Variants in CUX1 observed in about 807,000 individuals in gnomAD.
CUX1 encodes the protein cut like homeobox 1, also known as protein CASP.
In CUX1, 31 loss-of-function variants were observed where a neutral mutation model predicts 158.8. That is an observed-to-expected ratio of 0.20 (90% CI 0.15 to 0.26). CUX1 has a LOEUF of 0.26. CUX1 is among the 10% of genes least tolerant of loss of function. The probability of loss-of-function intolerance (pLI) is 1.00; values close to 1 mark genes in which losing one functional copy is unlikely to be tolerated. For synonymous variants in CUX1, 879 were observed against 862.1 expected (o/e 1.02, Z -0.34); for missense variants, 1,589 against 2,014.6 (o/e 0.79, Z 4.04).
chr7:102,017,271 A>C, intron 2 of CUX1, among the ~76,000 whole-genome samples: 2 of 144,140 alleles, frequency 1.4e-5, no homozygotes, highest in African/African-American at 2.6e-5. Context: ...GGCCTGGGGG[A>C]CACAGAGAGA....
chr7:102,151,001 A>C (rs572481688), intron 8 of CUX1, among the ~76,000 whole-genome samples: 42 of 152,230 alleles, frequency 2.8e-4, no homozygotes, highest in Non-Finnish European at 5.6e-4. Context: ...ATGATTTTAG[A>C]CCAATGTCAG....
chr7:102,256,838 C>T lies in CUX1; in HGVS notation c.*7796C>T, dbSNP rs1287777704. 9.1e-6 allele frequency: 9 copies of T among 985,312 alleles called. No homozygotes were observed. Among genetic ancestry groups the T allele is most frequent in the African/African-American group, 5.2e-5 (3 of 57,208 alleles). The allele number at this position is 985,312 out of a possible 1,614,324, so 61.0% of individuals were successfully genotyped here. The stretch of plus-strand genomic sequence containing the variant: ...CGAGAGAGTGATTTCTTGCAAGGCC[C>T]GCATGGGTTGATACGTTTTGGTTGG... On this transcript the variant is annotated 3_prime_UTR_variant, in exon 24 of 24. Coordinates refer to ENST00000292535, the MANE Select transcript of CUX1 (RefSeq NM_181552.4).
chr7:101,848,194 G>A (rs570915619), intron 1 of CUX1, among the ~76,000 whole-genome samples: 11 of 151,870 alleles, frequency 7.2e-5, no homozygotes, highest in Non-Finnish European at 1.6e-4. Flanking sequence ...GTGTATTGAC[G>A]TTGTTTACAT....
chr7:101,998,556 T>C (rs1288005523), intron 2 of CUX1, among the ~76,000 whole-genome samples: 1 of 152,144 alleles, frequency 6.6e-6, no homozygotes, highest in Non-Finnish European at 1.5e-5. Flanking sequence ...CACGACCTGT[T>C]TGGGGGAGAA....
intron 14 of CUX1, among the ~76,000 whole-genome samples, chr7:102,267,678 G>A (rs782621381): frequency 5.3e-5 from 8 of 152,114 alleles, no homozygotes; most frequent in Non-Finnish European, 1.2e-4. Context: ...TGGGCGTGGT[G>A]CAGAGAGGGA....
intron 3 of CUX1, among the ~76,000 whole-genome samples, chr7:102,058,594 T>G (rs1424770288): frequency 6.6e-6 from 1 of 152,198 alleles, no homozygotes; most frequent in Non-Finnish European, 1.5e-5. Context: ...GTTTTTACTT[T>G]CTTATGGTGG....
rs183211048 is a variant in CUX1, at chr7:102,189,762, G to A, written c.1018-51G>A. 1.6e-4 allele frequency: 256 copies of A among 1,598,130 alleles called. 1 individual carries two copies. The East Asian group carries it at 4.9e-3, about 31-fold the overall frequency. ...GCAGTGAATGCCGTCGGTGAAGTCC[G>A]TCGACCTGTTGTCAGGCATGGCCAC... On this transcript the variant is annotated intron_variant, in intron 11 of 23. Coordinates refer to ENST00000292535, the MANE Select transcript of CUX1 (RefSeq NM_181552.4).
rs17134918 is a variant in CUX1, at chr7:101,965,198, T to G, written c.141+48973T>G. On this transcript the variant is annotated intron_variant, in intron 2 of 23. Transcript: ENST00000292535. ...AGTCGTGCCTCTTCCCTAACACCGCTTTGCAGTTTGTGACTATAATCTAAT... is the reference window on the plus strand; with the variant it reads ...AGTCGTGCCTCTTCCCTAACACCGCGTTGCAGTTTGTGACTATAATCTAAT... Among the ~76,000 whole-genome samples, 703 of 152,262 alleles carry G rather than the reference T, an allele frequency of 4.6e-3. 9 individuals carry two copies. Among genetic ancestry groups the G allele is most frequent in the African/African-American group, 0.016 (664 of 41,544 alleles).
At chr7:102,178,993 T>C (rs1554513118) in intron 11 of CUX1, among the ~76,000 whole-genome samples, 1 of 152,218 alleles carries the variant, frequency 6.6e-6, no homozygotes, top group Non-Finnish European at 1.5e-5. Context: ...GCCTCCCATG[T>C]AGCTGGGATC....
intron 23 of CUX1, among the ~76,000 whole-genome samples, chr7:102,242,589 G>GCCCT (rs1800342192): frequency 1.3e-5 from 2 of 152,176 alleles, no homozygotes; most frequent in Admixed American, 6.5e-5. Context: ...GGGCATGTGT[G>GCCCT]ATAACGCTTT....
Position 102,126,924 on chromosome 7 carries a change from A to G in CUX1, c.674+11651A>G, listed in dbSNP as rs1024064754. ...GTCCCATCTGGGGGTGATGGGAGAC[A>G]GTGACAGATCATCAGGCATTAGATT... On this transcript the variant is annotated intron_variant, in intron 8 of 23. Coordinates refer to ENST00000292535, the MANE Select transcript of CUX1 (RefSeq NM_181552.4). Among the ~76,000 whole-genome samples the G allele has an allele frequency of 3.3e-5, 5 of 152,248 alleles. No homozygotes were observed. The East Asian group carries it at 9.6e-4, about 29-fold the overall frequency.
chr7:102,276,358 G>A (rs1791606732), intron 17 of CUX1, among the ~76,000 whole-genome samples: 1 of 152,230 alleles, frequency 6.6e-6, no homozygotes, highest in East Asian at 1.9e-4. Context: ...CTGGAGTGCA[G>A]TGGCACAATC....
Position 102,252,643 on chromosome 7 carries a change from T to A in CUX1, c.*3601T>A. The stretch of plus-strand genomic sequence containing the variant: ...ACCCGGAGTTCCGGCCCAAGCTCCC[T>A]TGTGATAGCCGAGATGGCAGGTGTG... On this transcript the variant is annotated 3_prime_UTR_variant, in exon 24 of 24. Transcript: ENST00000292535. 1 of 985,442 alleles carries A rather than the reference T, an allele frequency of 1.0e-6. No homozygotes were observed. Among genetic ancestry groups the A allele is most frequent in the Non-Finnish European group, 1.2e-6 (1 of 829,954 alleles). The allele number at this position is 985,442 out of a possible 1,614,324, so 61.0% of individuals were successfully genotyped here.
chr7:101,942,502 G>A (rs183819555), intron 2 of CUX1, among the ~76,000 whole-genome samples: 4 of 152,214 alleles, frequency 2.6e-5, no homozygotes, highest in Admixed American at 6.5e-5. Context: ...TTTCTCTGTC[G>A]CCCAGGCTGG....
intron 1 of CUX1, among the ~76,000 whole-genome samples, chr7:101,833,292 T>G (rs1794261950): frequency 6.7e-6 from 1 of 149,108 alleles, no homozygotes; most frequent in Admixed American, 6.7e-5. Context: ...CTCACACCTG[T>G]GATACCAATA....
At chr7:101,851,336 C>T (rs1454626022) in intron 1 of CUX1, among the ~76,000 whole-genome samples, 1 of 152,000 alleles carries the variant, frequency 6.6e-6, no homozygotes, top group Non-Finnish European at 1.5e-5. Context: ...GACAGCCCTT[C>T]TTGGCCCCCC....
exon 23 of CUX1, chr7:102,283,491 A>G (rs560440803): frequency 7.5e-4 from 158 of 210,350 alleles, no homozygotes; most frequent in African/African-American, 3.4e-3. Context: ...GGGCTCTCCT[A>G]GGATCCCCCC....
At chr7:102,263,087 C>T (rs1158029667), downstream of CUX1, among the ~76,000 whole-genome samples, 2 of 148,050 alleles carry the variant, frequency 1.4e-5, no homozygotes, top group Non-Finnish European at 3.0e-5. Context: ...GATCTCGGCT[C>T]ACTGCAACCT....
At chr7:102,206,267 G>A (rs1432187207) in intron 20 of CUX1, among the ~76,000 whole-genome samples, 1 of 152,138 alleles carries the variant, frequency 6.6e-6, no homozygotes, top group African/African-American at 2.4e-5. Flanking sequence ...CAACGTGGGG[G>A]TCGAGAGGCT....
Sources: allele counts gnomAD v4.1 joint callset (sites outside exome capture counted in the v4.1 genomes callset), GRCh38; gene constraint gnomAD v4.1.1; transcripts MANE v1.5; gene names NCBI Gene and HGNC (gene_info 2026-07-23, HGNC 2026-07-21).